KIF16B: variants seen among roughly 807,000 people sequenced by gnomAD.
KIF16B encodes kinesin family member 16B.
A neutral mutation model predicts 156.3 loss-of-function variants in KIF16B; 98 were observed. That is an observed-to-expected ratio of 0.63 (90% CI 0.53 to 0.74). The LOEUF (loss-of-function observed/expected upper bound fraction) is 0.74, where lower values mean the gene tolerates loss of function less well. KIF16B is among the 30% of genes least tolerant of loss of function. The pLI is 0.00. For synonymous variants in KIF16B, 564 were observed against 583.7 expected, an observed-to-expected ratio of 0.97 and a Z score of 0.49; for missense variants, 1,421 against 1,606.5, an observed-to-expected ratio of 0.88 and a Z score of 1.97.
At chr20:16,486,186 G>A (rs926207279) in intron 12 of KIF16B, among the ~76,000 whole-genome samples, 3 of 152,126 alleles carry the variant, frequency 2.0e-5, no homozygotes, top group African/African-American at 7.2e-5. Context: ...ATCTCCATGA[G>A]AGCAGGGATT....
chr20:16,495,515 A>G lies in KIF16B; in HGVS notation c.1243-1165T>C, dbSNP rs536342694. ...TATAGTCAATCATTCAGGGGTCCTC[A>G]ATTTACCTCAAATAAGACTGTGGGA... On this transcript the variant is annotated intron_variant, in intron 11 of 25. Coordinates refer to ENST00000354981, the MANE Select transcript of KIF16B (RefSeq NM_024704.5). Among the ~76,000 whole-genome samples, 5 of 152,316 alleles carry G rather than the reference A, an allele frequency of 3.3e-5. No individual in the cohort carries two copies. In the East Asian group the frequency reaches 9.6e-4, roughly 29 times the overall value.
chr20:16,390,144 A>G (rs2065329484), intron 17 of KIF16B, among the ~76,000 whole-genome samples: 1 of 152,048 alleles, frequency 6.6e-6, no homozygotes, highest in Non-Finnish European at 1.5e-5. Flanking sequence ...AATTCAAAAC[A>G]CTCTGGGAAT....
At chr20:16,385,827 T>C (rs891411635) in intron 17 of KIF16B, among the ~76,000 whole-genome samples, 1 of 152,214 alleles carries the variant, frequency 6.6e-6, no homozygotes, top group Non-Finnish European at 1.5e-5. Context: ...TTCTAGGTAC[T>C]GTGAATTTAA....
intron 10 of KIF16B, among the ~76,000 whole-genome samples, chr20:16,498,375 C>A (rs1323029951): frequency 1.3e-5 from 2 of 152,030 alleles, no homozygotes; most frequent in African/African-American, 4.8e-5. Flanking sequence ...CCTAAGATAT[C>A]CCTTGGAAGA....
rs1395032757 is a variant in KIF16B, at chr20:16,272,751, G to A, written c.*502C>T. ...TTCTGATTCAAATGAGGGAAAAAAA[G>A]AAAAAAATACAATGAAATAATTTAA... is the stretch of plus-strand genomic sequence containing the variant. On this transcript the variant is annotated 3_prime_UTR_variant, in exon 26 of 26. Coordinates refer to ENST00000354981, the MANE Select transcript of KIF16B (RefSeq NM_024704.5). 1.3e-5 allele frequency: 2 copies of A among 152,470 alleles called. No homozygotes were observed. The highest frequency in any genetic ancestry group is 2.9e-5 in the Non-Finnish European group (2 of 68,054). The allele number at this position is 152,470 out of a possible 1,614,324, so 9.4% of individuals were successfully genotyped here.
At chr20:16,378,663 T>C (rs1047939347) in intron 19 of KIF16B, 142 bp downstream of exon 19, 6 of 814,202 alleles carry the variant, frequency 7.4e-6, no homozygotes, top group Admixed American at 2.6e-5. Context: ...CTGGCAAATA[T>C]AAGCATTTGC....
At chr20:16,523,712 C>T (rs1042560480) in intron 3 of KIF16B, among the ~76,000 whole-genome samples, 2 of 152,002 alleles carry the variant, frequency 1.3e-5, no homozygotes, top group Admixed American at 1.3e-4. Flanking sequence ...ACCAAAAAAA[C>T]AGACTGTATA....
chr20:16,463,147 AC>A (rs2067393985), intron 12 of KIF16B, among the ~76,000 whole-genome samples: 1 of 152,146 alleles, frequency 6.6e-6, no homozygotes, highest in African/African-American at 2.4e-5. Context: ...AACCTAAAAG[AC>A]CTGCTCAGGA....
At chr20:16,419,949 A>C (rs1348683358) in intron 15 of KIF16B, among the ~76,000 whole-genome samples, 3 of 152,068 alleles carry the variant, frequency 2.0e-5, no homozygotes, top group Non-Finnish European at 4.4e-5. Flanking sequence ...TCAAATTCAC[A>C]TTTTCTTCTT....
At chr20:16,293,348 CAAAA>C (rs1358125328) in intron 25 of KIF16B, among the ~76,000 whole-genome samples, 1 of 152,082 alleles carries the variant, frequency 6.6e-6, no homozygotes, top group Non-Finnish European at 1.5e-5. Flanking sequence ...GATCAAGAAT[CAAAA>C]TGGTTTTGAA....
chr20:16,566,767 A>G (rs1034568564), intron 1 of KIF16B, among the ~76,000 whole-genome samples: 1 of 152,182 alleles, frequency 6.6e-6, no homozygotes, highest in South Asian at 2.1e-4. Flanking sequence ...ATATATTTAT[A>G]TCTACATTAT....
intron 25 of KIF16B, among the ~76,000 whole-genome samples, chr20:16,280,298 C>CA (rs911860503): frequency 8.5e-5 from 13 of 152,222 alleles, no homozygotes; most frequent in African/African-American, 2.7e-4. Context: ...TGGCTTCCCC[C>CA]CTCTCTTACA....
chr20:16,375,464 G>A (rs1159720616), intron 19 of KIF16B, among the ~76,000 whole-genome samples: 2 of 152,072 alleles, frequency 1.3e-5, no homozygotes, highest in Non-Finnish European at 2.9e-5. Context: ...TGGATCACAG[G>A]GTCATGAGGG....
intron 24 of KIF16B, among the ~76,000 whole-genome samples, chr20:16,333,298 C>G (rs1300260874): frequency 6.6e-6 from 1 of 152,178 alleles, no homozygotes; most frequent in Non-Finnish European, 1.5e-5. Context: ...AAAGGTGTGC[C>G]TGGTCTGCCC....
chr20:16,367,303 C>T, intron 22 of KIF16B: 1 of 1,612,836 alleles, frequency 6.2e-7, no homozygotes, highest in African/African-American at 1.3e-5. Context: ...CTCAGGTGGA[C>T]TATTTCTGGA....
chr20:16,325,684 TG>T (rs2063835222), intron 24 of KIF16B, among the ~76,000 whole-genome samples: 1 of 151,938 alleles, frequency 6.6e-6, no homozygotes, highest in Admixed American at 6.6e-5. Flanking sequence ...TGCTCATAAA[TG>T]GGTAGAATCA....
intron 12 of KIF16B, among the ~76,000 whole-genome samples, chr20:16,469,699 C>A (rs1312711607): frequency 1.3e-5 from 2 of 152,036 alleles, no homozygotes; most frequent in African/African-American, 2.4e-5. Context: ...TGTGGAGCAA[C>A]AGGAACTCTT....
intron 12 of KIF16B, among the ~76,000 whole-genome samples, chr20:16,473,893 G>A (rs1344875357): frequency 6.6e-6 from 1 of 152,202 alleles, no homozygotes; most frequent in African/African-American, 2.4e-5. Flanking sequence ...GAATGTAAAT[G>A]AGCTCTGAGT....
intron 12 of KIF16B, among the ~76,000 whole-genome samples, chr20:16,433,360 C>T (rs1220488613): frequency 6.6e-6 from 1 of 151,988 alleles, no homozygotes; most frequent in Non-Finnish European, 1.5e-5. Flanking sequence ...AACCCCCCAC[C>T]CCCAAAAATG....
Sources: gnomAD v4.1 joint callset for allele counts (sites outside exome capture counted in the v4.1 genomes callset) on GRCh38, gnomAD v4.1.1 for gene constraint, MANE v1.5 for transcripts, NCBI Gene and HGNC (gene_info 2026-07-23, HGNC 2026-07-21) for gene names.